The following SLC14A1 variants were observed in gnomAD, a reference collection of about 807,000 sequenced individuals.
SLC14A1 encodes the protein urea transporter 1.
Under a neutral mutation model 39.6 loss-of-function variants are expected in SLC14A1, and 36 were observed. That is an observed-to-expected ratio of 0.91 (90% CI 0.70 to 1.20). The LOEUF is 1.20. SLC14A1 is among the 50% of genes most tolerant of loss of function. SLC14A1 has a pLI of 0.00. For synonymous variants in SLC14A1, 164 were observed against 173.6 expected, an observed-to-expected ratio of 0.94 and a Z score of 0.43; for missense variants, 469 against 478.7, an observed-to-expected ratio of 0.98 and a Z score of 0.19.
At position 45,752,001 on chromosome 18, in the gene SLC14A1, G is replaced by C. The variant is rs2047724085; in HGVS notation, c.*2050G>C. On this transcript the variant is annotated 3_prime_UTR_variant, in exon 10 of 10. Coordinates refer to ENST00000321925, the MANE Select transcript of SLC14A1 (RefSeq NM_015865.7). The stretch of plus-strand genomic sequence containing the variant: ...GGGAAGTAAACCTACAAATATTTTA[G>C]GGAGAAGCTCACTTCTTCCTTTTCT... The C allele has an allele frequency of 1.0e-6, 1 of 985,248 alleles. No homozygotes were observed. Among genetic ancestry groups the C allele is most frequent in the Non-Finnish European group, 1.2e-6 (1 of 829,896 alleles). 61.0% of individuals were successfully genotyped at this position (985,248 alleles called of 1,614,324 possible). A position where few individuals can be genotyped will look rare whatever the true frequency, so the allele number is the denominator to read the frequency against.
intron 8 of SLC14A1, among the ~76,000 whole-genome samples, chr18:45,745,593 G>T (rs1164558103): frequency 6.6e-6 from 1 of 152,080 alleles, no homozygotes; most frequent in African/African-American, 2.4e-5. Flanking sequence ...GAATATTTTT[G>T]GTACAAATGT....
intron 2 of SLC14A1, chr18:45,730,034 T>C: frequency 2.8e-6 from 1 of 353,042 alleles, no homozygotes; most frequent in South Asian, 8.1e-5. Flanking sequence ...ACACGCTTAG[T>C]AAATGTTTGT....
rs771715574 is a variant in SLC14A1 at position 45,739,302 on chromosome 18, T to C, written c.803T>C (p.Ile268Thr). 5.6e-6 allele frequency: 9 copies of C among 1,614,054 alleles called. No homozygotes were observed. The highest frequency in any genetic ancestry group is 4.0e-5 in the African/African-American group (3 of 74,924). ...LHAAIGSLLG[I>T]AAGLSLSAPF... is the part of the protein sequence containing the mutation. ...GCTGCCATAGGATCATTGCTGGGCA[T>C]AGCAGCGGGTGAGCACAAGAGCCCT... The change falls in exon 7 of 10, where the codon ATA becomes ACA. Residue 268 changes from isoleucine (I) to threonine (T), a missense_variant. Coordinates refer to ENST00000321925, the MANE Select transcript of SLC14A1 (RefSeq NM_015865.7).
chr18:45,735,626 A>C (rs28898869), intron 5 of SLC14A1, among the ~76,000 whole-genome samples: 68,429 of 152,078 alleles, frequency 0.45, 15,791 homozygotes, highest in East Asian at 0.52. Flanking sequence ...TGCAGAAGGG[A>C]TGCCCACCCT....
intron 2 of SLC14A1, among the ~76,000 whole-genome samples, chr18:45,726,518 G>A (rs1357179149): frequency 3.3e-5 from 5 of 152,144 alleles, no homozygotes; most frequent in Admixed American, 3.3e-4. Context: ...TTCTTGGCCT[G>A]GCATGATGAC....
chr18:45,729,041 T>C (rs1488281769), intron 2 of SLC14A1: 1 of 152,210 alleles, frequency 6.6e-6, no homozygotes, highest in Non-Finnish European at 1.5e-5. Flanking sequence ...TTGTTAGCTA[T>C]GGTAAATGGA....
intron 5 of SLC14A1, among the ~76,000 whole-genome samples, chr18:45,735,462 T>A (rs1341968124): frequency 6.6e-6 from 1 of 152,152 alleles, no homozygotes; most frequent in South Asian, 2.1e-4. Context: ...CTGAATTCCT[T>A]TTTTTTCAAA....
intron 1 of SLC14A1, 23 bp downstream of exon 1, chr18:45,724,296 A>G (rs2046805645): frequency 6.6e-6 from 1 of 152,178 alleles, no homozygotes; most frequent in African/African-American, 2.4e-5. Flanking sequence ...CCTTATTTCT[A>G]TTCATTTCCA....
chr18:45,731,216 C>T lies in SLC14A1; in HGVS notation c.341+12C>T, dbSNP rs749061328. 2 of 1,612,644 alleles carry T rather than the reference C, an allele frequency of 1.2e-6. No individual in the cohort carries two copies. The highest frequency in any genetic ancestry group is 4.5e-5 in the East Asian group (2 of 44,888). ...CTCAGCCAGGACAGGTAGGTGTACC[C>T]TTTCAAGCCTTCTCAGCTCCCTTCT... On this transcript the variant is annotated intron_variant, in intron 4 of 9. Coordinates refer to ENST00000321925, the MANE Select transcript of SLC14A1 (RefSeq NM_015865.7).
rs768136769 is a variant in SLC14A1 at position 45,730,329 on chromosome 18, C to A, written c.9C>A (p.Asp3Glu). The stretch of plus-strand genomic sequence containing the variant: ...CAGAGGAAGAGATAGCCATGGAGGA[C>A]AGCCCCACTATGGTTAGAGTGGACA... ME[D>E]SPTMVRVDSP... The change falls in exon 3 of 10, where the codon GAC becomes GAA. Residue 3 changes from aspartate (D) to glutamate (E), a missense_variant. Transcript: ENST00000321925. 2.5e-6 allele frequency: 4 copies of A among 1,612,808 alleles called. No homozygotes were observed. Among genetic ancestry groups the A allele is most frequent in the Non-Finnish European group, 2.5e-6 (3 of 1,179,794 alleles).
intron 8 of SLC14A1, among the ~76,000 whole-genome samples, chr18:45,740,406 G>A (rs972973053): frequency 7.2e-5 from 11 of 151,786 alleles, no homozygotes; most frequent in South Asian, 2.1e-4. Context: ...CTGATTCAGC[G>A]TCAGAGATAA....
chr18:45,751,700 T>A lies in SLC14A1; in HGVS notation c.*1749T>A. ...GAGGCTGAGGTGGAAAGATCGCTTG[T>A]GCACAGAAGTTCGAGGCTGCAGTGA... On this transcript the variant is annotated 3_prime_UTR_variant, in exon 10 of 10. Transcript: ENST00000321925. The A allele has an allele frequency of 2.3e-6, 1 of 434,658 alleles. No individual in the cohort carries two copies. Among genetic ancestry groups the A allele is most frequent in the Non-Finnish European group, 3.1e-6 (1 of 327,502 alleles). 26.9% of individuals were successfully genotyped at this position (434,658 alleles called of 1,614,324 possible). A position where few individuals can be genotyped will look rare whatever the true frequency, so the allele number is the denominator to read the frequency against.
At position 45,751,695 on chromosome 18, in the gene SLC14A1, G is replaced by A. The variant is rs1049121615; in HGVS notation, c.*1744G>A. The A allele has an allele frequency of 2.6e-5, 11 of 423,912 alleles. No individual in the cohort carries two copies. The highest frequency in any genetic ancestry group is 1.1e-3 in the Middle Eastern group (1 of 880). The allele number at this position is 423,912 out of a possible 1,614,324, so 26.3% of individuals were successfully genotyped here. A position where few individuals can be genotyped will look rare whatever the true frequency, so the allele number is the denominator to read the frequency against. ...CTCAGGAGGCTGAGGTGGAAAGATC[G>A]CTTGTGCACAGAAGTTCGAGGCTGC... On this transcript the variant is annotated 3_prime_UTR_variant, in exon 10 of 10. Coordinates refer to ENST00000321925, the MANE Select transcript of SLC14A1 (RefSeq NM_015865.7).
intron 8 of SLC14A1, 195 bp downstream of exon 8, chr18:45,739,857 G>A (rs903066788): frequency 3.1e-6 from 2 of 652,864 alleles, no homozygotes; most frequent in African/African-American, 1.8e-5. Context: ...CTACCTCTCT[G>A]ATGATTGTGA....
intron 6 of SLC14A1, 24 bp from the exon 7 acceptor site, chr18:45,739,136 CTCA>C (rs753707709): frequency 1.2e-6 from 2 of 1,613,938 alleles, no homozygotes; most frequent in Middle Eastern, 1.6e-4. Flanking sequence ...TTTTGGTAGC[CTCA>C]TTTTTCTTAA....
intron 8 of SLC14A1, 75 bp from the exon 9 acceptor site, chr18:45,748,300 AT>A: frequency 6.8e-7 from 1 of 1,462,682 alleles, no homozygotes; most frequent in East Asian, 2.3e-5. Flanking sequence ...GGTGATTTAT[AT>A]TGGAAGGCAG....
chr18:45,726,449 T>C (rs1337462617), intron 2 of SLC14A1, among the ~76,000 whole-genome samples: 1 of 152,166 alleles, frequency 6.6e-6, no homozygotes, highest in African/African-American at 2.4e-5. Context: ...GCTGCCACAT[T>C]TGTGGAATTC....
At chr18:45,732,283 T>A (rs1208048889) in intron 4 of SLC14A1, among the ~76,000 whole-genome samples, 1 of 152,236 alleles carries the variant, frequency 6.6e-6, no homozygotes, top group South Asian at 2.1e-4. Flanking sequence ...AGTAAATATA[T>A]GTCTTCCTGT....
In SLC14A1 at chr18:45,751,461, T is replaced by C. The variant is rs2047708036; in HGVS notation, c.*1510T>C. On this transcript the variant is annotated 3_prime_UTR_variant, in exon 10 of 10. Transcript: ENST00000321925. ...AAAGTTATCAGTTCCGTAAAGTCTC[T>C]GTAACCAAACATACTGAAGACAGCA... The C allele has an allele frequency of 6.1e-6, 6 of 984,930 alleles. No individual in the cohort carries two copies. Among genetic ancestry groups the C allele is most frequent in the Non-Finnish European group, 7.2e-6 (6 of 829,852 alleles). The allele number at this position is 984,930 out of a possible 1,614,324, so 61.0% of individuals were successfully genotyped here.
Sources: gnomAD v4.1 joint callset for allele counts (sites outside exome capture counted in the v4.1 genomes callset) on GRCh38, gnomAD v4.1.1 for gene constraint, MANE v1.5 for transcripts, NCBI Gene and HGNC (gene_info 2026-07-23, HGNC 2026-07-21) for gene names.